ADCY5: variants seen among roughly 807,000 people sequenced by gnomAD.
The protein encoded by ADCY5 is adenylate cyclase type 5.
In ADCY5, 30 loss-of-function variants were observed where a neutral mutation model predicts 119.7. The observed-to-expected ratio is 0.25, with a 90% CI of 0.19 to 0.34. The LOEUF (loss-of-function observed/expected upper bound fraction) is 0.34. Ranked by LOEUF, ADCY5 falls within the 10% of genes least tolerant of loss-of-function variation. ADCY5 has a pLI of 1.00. For synonymous variants in ADCY5, 753 were observed against 762.2 expected (o/e 0.99, Z 0.20); for missense variants, 1,324 against 1,775.2 (o/e 0.75, Z 4.57).
At position 123,283,785 on chromosome 3, in the gene ADCY5, C is replaced by CT. The variant is rs551584187; in HGVS notation, c.*822dup. ...TTACAAAATATAGAATTTGGCATAT[C>CT]TATCTGTGAGATCTCCAAGGCTTTC... is the stretch of plus-strand genomic sequence containing the variant. On this transcript the variant is annotated 3_prime_UTR_variant, in exon 21 of 21. Transcript: ENST00000462833. The CT allele has an allele frequency of 7.0e-6, 1 of 142,534 alleles. No individual in the cohort carries two copies. Among genetic ancestry groups the CT allele is most frequent in the Non-Finnish European group, 1.5e-5 (1 of 67,928 alleles). 8.8% of individuals were successfully genotyped at this position (142,534 alleles called of 1,614,324 possible).
chr3:123,435,239 T>C (rs757545419), intron 1 of ADCY5, among the ~76,000 whole-genome samples: 4 of 152,122 alleles, frequency 2.6e-5, no homozygotes, highest in African/African-American at 4.8e-5. Context: ...TGAGCCGTGA[T>C]TGCACCACTG....
chr3:123,288,661 C>G (rs1938940812), intron 19 of ADCY5, among the ~76,000 whole-genome samples: 1 of 152,112 alleles, frequency 6.6e-6, no homozygotes, highest in Non-Finnish European at 1.5e-5. Flanking sequence ...GAAGTGTGTA[C>G]CTGGGTTTTC....
chr3:123,325,942 T>C (rs745488332), intron 7 of ADCY5, among the ~76,000 whole-genome samples: 1 of 152,188 alleles, frequency 6.6e-6, no homozygotes, highest in Non-Finnish European at 1.5e-5. Context: ...CCAGGCCAAC[T>C]CATACCTAAG....
In ADCY5 at chr3:123,448,228, G is replaced by C; in HGVS notation, c.318C>G (p.Arg106=). The C allele has an allele frequency of 1.5e-6, 2 of 1,374,356 alleles. No individual in the cohort carries two copies. The highest frequency in any genetic ancestry group is 1.9e-6 in the Non-Finnish European group (2 of 1,064,342). The allele number at this position is 1,374,356 out of a possible 1,614,324, so 85.1% of individuals were successfully genotyped here. The change falls in exon 1 of 21, where the codon CGC becomes CGG. Residue 106 remains arginine (R), a synonymous_variant. Coordinates refer to ENST00000462833, the MANE Select transcript of ADCY5 (RefSeq NM_183357.3). ...TGCCGCGACCGCAGTCGTCGCCGCC[G>C]CGCTCCTGCCAGGCGGACTTGGAGC... ...SFRSKSAWQE[R]GGDDCGRGSR...
intron 1 of ADCY5, among the ~76,000 whole-genome samples, chr3:123,425,752 T>G (rs1159515010): frequency 8.0e-6 from 1 of 125,474 alleles, no homozygotes; most frequent in Non-Finnish European, 1.6e-5. Context: ...TGGCCCCAGC[T>G]TACAAGCTGG....
Position 123,448,516 on chromosome 3 carries a change from C to CG in ADCY5, c.29dup (p.Tyr12LeufsTer75). On this transcript the variant is annotated frameshift_variant, in exon 1 of 21. Coordinates refer to ENST00000462833, the MANE Select transcript of ADCY5 (RefSeq NM_183357.3). LOFTEE classifies it high-confidence loss of function. ...CCGCAGTCTTCTGCGCCGCGTAGCC[C>CG]GGGGGGCTCACGCTTTTGGAGCCGG... The CG allele has an allele frequency of 7.9e-7, 1 of 1,263,832 alleles. No homozygotes were observed. Among genetic ancestry groups the CG allele is most frequent in the Non-Finnish European group, 9.9e-7 (1 of 1,005,946 alleles). 78.3% of individuals were successfully genotyped at this position (1,263,832 alleles called of 1,614,324 possible).
Position 123,314,320 on chromosome 3 carries a change from G to A in ADCY5, c.2357C>T (p.Ser786Phe). The change falls in exon 12 of 21, where the codon TCC becomes TTC. Residue 786 changes from serine to phenylalanine, a missense_variant and splice_region_variant. Ser to Phe is a radical substitution (Grantham distance 155). Around this residue, in one of 6 missense-constraint regions of ADCY5, gnomAD observed 424 missense variants for 546.8 expected, o/e 0.78. Coordinates refer to ENST00000462833, the MANE Select transcript of ADCY5 (RefSeq NM_183357.3). ...CAGGTAGAAGCTGAGCATGAATATG[G>A]AGCTGGAAGGAGAGAGGAGGGGAGG... ...CFVQITIVPHSIFMLSFYLTC... is the reference protein window; with the variant it reads ...CFVQITIVPHFIFMLSFYLTC... The A allele has an allele frequency of 3.1e-6, 5 of 1,610,830 alleles. No individual in the cohort carries two copies. Among genetic ancestry groups the A allele is most frequent in the Non-Finnish European group, 4.2e-6 (5 of 1,177,598 alleles).
chr3:123,347,632 G>T, intron 3 of ADCY5, 150 bp downstream of exon 3: 1 of 1,009,132 alleles, frequency 9.9e-7, no homozygotes, highest in South Asian at 1.5e-5. Context: ...TAACACACCT[G>T]GAGGGGTGGG....
At chr3:123,321,082 C>A (rs1204972129) in intron 8 of ADCY5, among the ~76,000 whole-genome samples, 1 of 152,176 alleles carries the variant, frequency 6.6e-6, no homozygotes, top group Non-Finnish European at 1.5e-5. Flanking sequence ...TCTCTCCTCG[C>A]CATCCTCCTG....
At chr3:123,353,105 G>T (rs941165991) in intron 1 of ADCY5, among the ~76,000 whole-genome samples, 28 of 152,120 alleles carry the variant, frequency 1.8e-4, no homozygotes, top group African/African-American at 6.8e-4. Context: ...CTGGCCAGTC[G>T]GGGTCCATGG....
At chr3:123,388,177 C>T (rs987199193) in intron 1 of ADCY5, among the ~76,000 whole-genome samples, 8 of 152,058 alleles carry the variant, frequency 5.3e-5, no homozygotes, top group Non-Finnish European at 1.0e-4. Flanking sequence ...TGGAAGGTGG[C>T]CCAGAGCTAA....
intron 11 of ADCY5, among the ~76,000 whole-genome samples, chr3:123,314,710 G>A (rs1405912843): frequency 6.6e-6 from 1 of 152,154 alleles, no homozygotes; most frequent in Non-Finnish European, 1.5e-5. Flanking sequence ...GAACCACCTG[G>A]TTACTCCCTC....
At chr3:123,395,353 G>A (rs929710900) in intron 1 of ADCY5, among the ~76,000 whole-genome samples, 1 of 152,138 alleles carries the variant, frequency 6.6e-6, no homozygotes, top group Admixed American at 6.5e-5. Context: ...CACCTGTTCA[G>A]CCTGCCTCAT....
At chr3:123,401,143 TTTC>T (rs917862308) in intron 1 of ADCY5, among the ~76,000 whole-genome samples, 78 of 152,298 alleles carry the variant, frequency 5.1e-4, no homozygotes, top group African/African-American at 1.9e-3. Context: ...GTGTTTGTTT[TTTC>T]TTCTTTTCTC....
intron 1 of ADCY5, among the ~76,000 whole-genome samples, chr3:123,373,760 C>CA: frequency 5.0e-5 from 1 of 20,142 alleles, no homozygotes; most frequent in East Asian, 0.045. Flanking sequence ...AGCATCACGC[C>CA]CCCCCCCCCC....
chr3:123,344,102 T>A (rs528547290), intron 3 of ADCY5, among the ~76,000 whole-genome samples: 1 of 152,296 alleles, frequency 6.6e-6, no homozygotes, highest in South Asian at 2.1e-4. Context: ...TGGTGGCCCC[T>A]GCCTGACACC....
intron 18 of ADCY5, 80 bp downstream of exon 18, chr3:123,291,033 G>C: frequency 6.7e-7 from 1 of 1,500,594 alleles, no homozygotes; most frequent in African/African-American, 1.4e-5. Context: ...GGGGGCGCCA[G>C]GTCTCTTCAC....
In ADCY5 at chr3:123,396,315, T is replaced by C. The variant is rs184859011; in HGVS notation, c.1135-43734A>G. On this transcript the variant is annotated intron_variant, in intron 1 of 20. Coordinates refer to ENST00000462833, the MANE Select transcript of ADCY5 (RefSeq NM_183357.3). ...AGGGAAAATAAGAAAGAAAGAAAGATGAAAAAGGAAAGGAAAAGAAAAGAG... is the reference window on the plus strand; with the variant it reads ...AGGGAAAATAAGAAAGAAAGAAAGACGAAAAAGGAAAGGAAAAGAAAAGAG... Among the ~76,000 whole-genome samples, 10 of 57,836 alleles carry C rather than the reference T, an allele frequency of 1.7e-4. 1 individual carries two copies. The highest frequency in any genetic ancestry group is 1.5e-3 in the South Asian group (3 of 1,954). The allele number at this position is 57,836 out of a possible 152,430, so 37.9% of individuals were successfully genotyped here.
intron 16 of ADCY5, among the ~76,000 whole-genome samples, chr3:123,296,703 A>G (rs1158793420): frequency 7.1e-6 from 1 of 139,934 alleles, no homozygotes; most frequent in East Asian, 1.9e-4. Context: ...CCACATTTCA[A>G]GATGGTAGTA....
Sources: allele counts gnomAD v4.1 joint callset (sites outside exome capture counted in the v4.1 genomes callset), GRCh38; gene constraint gnomAD v4.1.1; regional missense constraint gnomAD v4.1.1; transcripts MANE v1.5; gene names NCBI Gene and HGNC (gene_info 2026-07-23, HGNC 2026-07-21).